Variants in SLC1A7 observed in about 807,000 individuals in gnomAD.
The protein encoded by SLC1A7 is solute carrier family 1 member 7.
A neutral mutation model predicts 47.7 loss-of-function variants in SLC1A7; 40 were observed. The observed-to-expected ratio is 0.84, with a 90% CI of 0.65 to 1.09. SLC1A7 has a LOEUF of 1.09. SLC1A7 is among the 50% of genes least tolerant of loss of function. The probability of loss-of-function intolerance (pLI) is 0.00; values close to 1 mark genes in which losing one functional copy is unlikely to be tolerated. For synonymous variants in SLC1A7, 323 were observed against 325.6 expected (o/e 0.99, Z 0.09); for missense variants, 746 against 769.5 (o/e 0.97, Z 0.36).
At chr1:53,110,861 T>C (rs1183148831) in intron 3 of SLC1A7, among the ~76,000 whole-genome samples, 3 of 152,060 alleles carry the variant, frequency 2.0e-5, no homozygotes, top group Non-Finnish European at 1.5e-5. Flanking sequence ...CCTCTGCACC[T>C]GCTTGCTGGG....
chr1:53,112,034 G>A (rs995218725), intron 3 of SLC1A7, among the ~76,000 whole-genome samples: 19 of 152,200 alleles, frequency 1.2e-4, no homozygotes, highest in Non-Finnish European at 2.6e-4. Flanking sequence ...TGCATCGATG[G>A]CCTCGGTTTG....
chr1:53,090,579 C>T (rs1410011833), intron 8 of SLC1A7, 33 bp downstream of exon 8: 1 of 1,536,156 alleles, frequency 6.5e-7, no homozygotes, highest in South Asian at 1.3e-5. Flanking sequence ...CCAGCCCCCG[C>T]CCCATCCACC....
At chr1:53,106,350 G>A (rs1644640188) in intron 3 of SLC1A7, among the ~76,000 whole-genome samples, 1 of 151,984 alleles carries the variant, frequency 6.6e-6, no homozygotes, top group South Asian at 2.1e-4. Flanking sequence ...AAAAACGGTG[G>A]CTCACGCCTG....
At chr1:53,121,175 G>T (rs1644821609) in intron 2 of SLC1A7, among the ~76,000 whole-genome samples, 1 of 152,238 alleles carries the variant, frequency 6.6e-6, no homozygotes. Context: ...TTTGGCTCTA[G>T]GTCCTTAAAA....
At chr1:53,121,259 CA>C (rs558660514) in intron 2 of SLC1A7, among the ~76,000 whole-genome samples, 56 of 152,260 alleles carry the variant, frequency 3.7e-4, no homozygotes, top group African/African-American at 1.3e-3. Context: ...CATTCTAGAT[CA>C]GACGTGAAAA....
chr1:53,099,491 C>A (rs1480588412), intron 5 of SLC1A7, among the ~76,000 whole-genome samples: 2 of 150,248 alleles, frequency 1.3e-5, no homozygotes, highest in Non-Finnish European at 3.0e-5. Flanking sequence ...GTACACTCAA[C>A]CGCCTCAGTA....
intron 5 of SLC1A7, among the ~76,000 whole-genome samples, chr1:53,101,715 C>T (rs911452602): frequency 2.6e-5 from 4 of 151,224 alleles, no homozygotes; most frequent in African/African-American, 9.8e-5. Context: ...CAGCTTGGTA[C>T]ACTCACACAG....
chr1:53,142,602 T>C lies in SLC1A7; in HGVS notation c.-153A>G, dbSNP rs1370374360. 6 of 760,862 alleles carry C rather than the reference T, an allele frequency of 7.9e-6. No individual in the cohort carries two copies. In the African/African-American group the frequency reaches 1.1e-4, roughly 13 times the overall value. 47.1% of individuals were successfully genotyped at this position (760,862 alleles called of 1,614,324 possible). ...GTCGCCAGCCCCACGGCCATGCCCG[T>C]GTGGCCGCCTTAGAGGGAAGCCACA... On this transcript the variant is annotated 5_prime_UTR_variant, in exon 1 of 11. Transcript: ENST00000371494.
intron 5 of SLC1A7, among the ~76,000 whole-genome samples, chr1:53,101,371 C>A (rs1042517284): frequency 4.7e-5 from 7 of 148,522 alleles, no homozygotes; most frequent in Admixed American, 2.7e-4. Flanking sequence ...TTGGTACACT[C>A]ACACACACTG....
chr1:53,116,909 C>A (rs1181744000), intron 2 of SLC1A7, among the ~76,000 whole-genome samples: 1 of 152,216 alleles, frequency 6.6e-6, no homozygotes, highest in Admixed American at 6.5e-5. Context: ...CTGTCCCTGA[C>A]CTCAAGGAGT....
chr1:53,132,770 C>T lies in SLC1A7; in HGVS notation c.215+1580G>A, dbSNP rs536442532. Among the ~76,000 whole-genome samples the T allele has an allele frequency of 1.9e-3, 282 of 152,244 alleles. 1 individual carries two copies. Among genetic ancestry groups the T allele is most frequent in the African/African-American group, 6.3e-3 (261 of 41,536 alleles). Reference sequence around the variant, plus strand: ...CTGAGGTAGGAGGATCACTTGAACCCAGGAAGCCGAGGCTGCAGTGAGCTG... The same window carrying T: ...CTGAGGTAGGAGGATCACTTGAACCTAGGAAGCCGAGGCTGCAGTGAGCTG... On this transcript the variant is annotated intron_variant, in intron 2 of 10. Transcript: ENST00000371494.
intron 2 of SLC1A7, among the ~76,000 whole-genome samples, chr1:53,131,725 G>A (rs1644943661): frequency 6.6e-6 from 1 of 152,236 alleles, no homozygotes; most frequent in South Asian, 2.1e-4. Flanking sequence ...TATGTGCCTG[G>A]CACTTGGCTA....
At position 53,114,781 on chromosome 1, in the gene SLC1A7, G is replaced by T; in HGVS notation, c.408C>A (p.Ala136=). The T allele has an allele frequency of 3.7e-6, 6 of 1,614,058 alleles. No individual in the cohort carries two copies. Among genetic ancestry groups the T allele is most frequent in the Middle Eastern group, 1.7e-4 (1 of 5,978 alleles). Residue 136 remains alanine, a synonymous_variant, in exon 3 of 11, where the codon GCC becomes GCA. Transcript: ENST00000371494. ...ACCGGATGAGGTCCAACAGGGCATCGGCTGAGCTCATGATGGGCTTCCCAC... is the reference window on the plus strand; with the variant it reads ...ACCGGATGAGGTCCAACAGGGCATCTGCTGAGCTCATGATGGGCTTCCCAC... ...EQSGKPIMSS[A]DALLDLIRNM... is the part of the protein sequence containing the mutation.
chr1:53,095,463 T>C (rs552536209), intron 5 of SLC1A7, among the ~76,000 whole-genome samples: 1 of 145,146 alleles, frequency 6.9e-6, no homozygotes, highest in East Asian at 2.1e-4. Context: ...CTTGGTACAC[T>C]CACACACCTT....
At chr1:53,101,082 T>TGGTACATTCACAAAACCCGCCTC (rs1644571794) in intron 5 of SLC1A7, among the ~76,000 whole-genome samples, 1 of 125,968 alleles carries the variant, frequency 7.9e-6, no homozygotes, top group Non-Finnish European at 1.7e-5. Context: ...CACACCACCT[T>TGGTACATTCACAAAACCCGCCTC]GGTACACTCA....
chr1:53,094,560 A>C (rs1644462667), intron 5 of SLC1A7, among the ~76,000 whole-genome samples: 1 of 152,214 alleles, frequency 6.6e-6, no homozygotes, highest in Non-Finnish European at 1.5e-5. Flanking sequence ...TGTCCTGAGA[A>C]GCCTGAGCCA....
chr1:53,093,527 G>C lies in SLC1A7; in HGVS notation c.731C>G (p.Ala244Gly), dbSNP rs756327755. Residue 244 changes from alanine to glycine, a missense_variant, in exon 6 of 11, where the codon GCC (alanine) becomes GGC (glycine). Coordinates refer to ENST00000371494, the MANE Select transcript of SLC1A7 (RefSeq NM_006671.6). ...IMLGRMGDSG[A>G]PLVSFCQCLN... is the part of the protein sequence containing the mutation. ...GCACTGGCAGAAGCTGACCAGGGGG[G>C]CCCCGCTGTCACCCATGCGGCCCAG... 6.2e-7 allele frequency: 1 copy of C among 1,608,948 alleles called. No individual in the cohort carries two copies. The highest frequency in any genetic ancestry group is 8.5e-7 in the Non-Finnish European group (1 of 1,179,712).
chr1:53,103,690 G>A, intron 4 of SLC1A7, 122 bp from the exon 5 acceptor site: 1 of 600,678 alleles, frequency 1.7e-6, no homozygotes, highest in Admixed American at 3.5e-5. Context: ...TTGATTGACA[G>A]TAACCCTGTG....
intron 3 of SLC1A7, chr1:53,108,773 C>G: frequency 1.5e-6 from 1 of 661,524 alleles, no homozygotes; most frequent in South Asian, 1.8e-5. Flanking sequence ...TGCCCACCTC[C>G]CACTTCTGGA....
Sources: gnomAD v4.1 joint callset for allele counts (sites outside exome capture counted in the v4.1 genomes callset) on GRCh38, gnomAD v4.1.1 for gene constraint, MANE v1.5 for transcripts, NCBI Gene and HGNC (gene_info 2026-07-23, HGNC 2026-07-21) for gene names.